SESN1: variants seen among roughly 807,000 people sequenced by gnomAD.
SESN1 encodes the protein sestrin-1.
A neutral mutation model predicts 59.3 loss-of-function variants in SESN1; 30 were observed. The observed-to-expected ratio is 0.51, with a 90% confidence interval of 0.38 to 0.69. The LOEUF (loss-of-function observed/expected upper bound fraction) is 0.69, where lower values mean the gene tolerates loss of function less well. Ranked by LOEUF, SESN1 falls within the 30% of genes least tolerant of loss-of-function variation. The pLI is 0.00. For missense variants in SESN1, 566 were observed against 673.0 expected, an observed-to-expected ratio of 0.84 and a Z score of 1.76; for synonymous variants, 197 against 219.9, an observed-to-expected ratio of 0.90 and a Z score of 0.92.
chr6:109,059,130 A>G (rs1780688785), intron 1 of SESN1, among the ~76,000 whole-genome samples: 1 of 150,888 alleles, frequency 6.6e-6, no homozygotes, highest in African/African-American at 2.5e-5. Context: ...ATTTACAGAT[A>G]ACTTCTTAAC....
rs897870052 is a variant in SESN1 at position 108,998,503 on chromosome 6, T to C, written c.972+10A>G. On this transcript the variant is annotated intron_variant, in intron 5 of 9. Transcript: ENST00000436639. ...AGTTTTATGACAATCTCATGACAAATAATACTTACAGAAACATTTTCTGCT... is the reference window on the plus strand; with the variant it reads ...AGTTTTATGACAATCTCATGACAAACAATACTTACAGAAACATTTTCTGCT... 2.5e-6 allele frequency: 4 copies of C among 1,613,328 alleles called. No homozygotes were observed. The highest frequency in any genetic ancestry group is 1.7e-5 in the Admixed American group (1 of 60,006).
intron 1 of SESN1, among the ~76,000 whole-genome samples, chr6:109,046,219 G>T (rs1002123879): frequency 6.7e-6 from 1 of 148,164 alleles, no homozygotes; most frequent in African/African-American, 2.5e-5. Context: ...TCAGCCTGCC[G>T]AGTGCCTGCG....
At chr6:109,089,603 T>C (rs1469358050) in intron 1 of SESN1, among the ~76,000 whole-genome samples, 3 of 152,180 alleles carry the variant, frequency 2.0e-5, no homozygotes, top group Non-Finnish European at 4.4e-5. Flanking sequence ...AAACTCAACA[T>C]GTCTAAAACA....
intron 1 of SESN1, among the ~76,000 whole-genome samples, chr6:109,031,660 GC>G (rs1278005182): frequency 1.3e-4 from 20 of 152,302 alleles, no homozygotes; most frequent in African/African-American, 4.1e-4. Flanking sequence ...CAGTGAGCTA[GC>G]CAGTCTCCCT....
In SESN1 at chr6:109,091,730, T is replaced by C. The variant is rs116509142; in HGVS notation, c.279+2065A>G. Among the ~76,000 whole-genome samples the C allele has an allele frequency of 8.7e-3, 1,319 of 152,384 alleles. 24 individuals carry two copies. The highest frequency in any genetic ancestry group is 0.03 in the African/African-American group (1,251 of 41,584). On this transcript the variant is annotated intron_variant, in intron 1 of 9. Coordinates refer to ENST00000436639, the MANE Select transcript of SESN1 (RefSeq NM_014454.3). ...CTTTATGGTCTGTTTCCCTTTGGTA[T>C]GATGTCAAAATTGTTACCACTGGTC...
At chr6:109,055,470 G>A (rs776939211) in intron 1 of SESN1, among the ~76,000 whole-genome samples, 45 of 151,848 alleles carry the variant, frequency 3.0e-4, no homozygotes, top group South Asian at 1.5e-3. Context: ...AGATCAGCCC[G>A]GCCAAGATGG....
intron 1 of SESN1, among the ~76,000 whole-genome samples, chr6:109,086,337 G>A (rs1043982240): frequency 5.3e-5 from 8 of 152,166 alleles, no homozygotes; most frequent in Non-Finnish European, 1.0e-4. Context: ...GGGCAACAGA[G>A]TGAGACTCCA....
rs1391221218 is a variant in SESN1, at chr6:108,984,741, T to G, written c.*2803A>C. On this transcript the variant is annotated 3_prime_UTR_variant, in exon 10 of 10. Transcript: ENST00000436639. ...AGTGTATAGAAATACAACTGATTTTTGTGTGCTGACTTTGTATCCTACAAC... is the reference window on the plus strand; with the variant it reads ...AGTGTATAGAAATACAACTGATTTTGGTGTGCTGACTTTGTATCCTACAAC... Among the ~76,000 whole-genome samples, 3 of 152,250 alleles carry G rather than the reference T, an allele frequency of 2.0e-5. No homozygotes were observed. The highest frequency in any genetic ancestry group is 7.2e-5 in the African/African-American group (3 of 41,464).
chr6:108,989,028 A>G (rs916886340), intron 8 of SESN1, among the ~76,000 whole-genome samples: 11 of 152,174 alleles, frequency 7.2e-5, no homozygotes, highest in African/African-American at 2.7e-4. Context: ...ATTGAGACGG[A>G]GTCTTGCCCT....
At chr6:109,007,716 G>A (rs889843652) in intron 1 of SESN1, among the ~76,000 whole-genome samples, 1 of 147,894 alleles carries the variant, frequency 6.8e-6, no homozygotes, top group Non-Finnish European at 1.5e-5. Context: ...ATAGCAAAAT[G>A]TACTAACAAT....
intron 1 of SESN1, among the ~76,000 whole-genome samples, chr6:109,067,701 A>G (rs1780858741): frequency 6.6e-6 from 1 of 152,190 alleles, no homozygotes; most frequent in Non-Finnish European, 1.5e-5. Flanking sequence ...CTGCTGCCTT[A>G]TCCTACCAGA....
Position 109,093,727 on chromosome 6 carries a change from C to G in SESN1, c.279+68G>C, listed in dbSNP as rs1302503171. 2.7e-6 allele frequency: 4 copies of G among 1,464,102 alleles called. No individual in the cohort carries two copies. In the South Asian group the frequency reaches 3.9e-5, roughly 14 times the overall value. 90.7% of individuals were successfully genotyped at this position (1,464,102 alleles called of 1,614,324 possible). A position where few individuals can be genotyped will look rare whatever the true frequency, so the allele number is the denominator to read the frequency against. ...AACAACCTAATAGAAACAAACACAA[C>G]GTGAATAACGGCAAGTAAAATTTAA... On this transcript the variant is annotated intron_variant, in intron 1 of 9. Coordinates refer to ENST00000436639, the MANE Select transcript of SESN1 (RefSeq NM_014454.3).
At chr6:108,991,942 C>G (rs1271501840) in intron 7 of SESN1, among the ~76,000 whole-genome samples, 1 of 152,172 alleles carries the variant, frequency 6.6e-6, no homozygotes, top group Non-Finnish European at 1.5e-5. Flanking sequence ...TAATTATTGT[C>G]TAGTCTCCTC....
intron 1 of SESN1, among the ~76,000 whole-genome samples, chr6:109,028,081 T>C (rs1019917845): frequency 6.6e-6 from 1 of 152,206 alleles, no homozygotes; most frequent in African/African-American, 2.4e-5. Flanking sequence ...TTTGTCAATA[T>C]TTTCTTTAAT....
At chr6:109,005,896 G>A (rs906924642) in intron 1 of SESN1, among the ~76,000 whole-genome samples, 1 of 152,128 alleles carries the variant, frequency 6.6e-6, no homozygotes, top group African/African-American at 2.4e-5. Context: ...AACAGATTTG[G>A]CTGTCTAATT....
At chr6:109,002,112 A>G (rs1036281030) in intron 2 of SESN1, among the ~76,000 whole-genome samples, 166 bp downstream of exon 2, 1 of 152,212 alleles carries the variant, frequency 6.6e-6, no homozygotes, top group African/African-American at 2.4e-5. Flanking sequence ...ACACAAGTAC[A>G]ACAGCTTTTT....
intron 2 of SESN1, 95 bp downstream of exon 2, chr6:109,002,183 T>C (rs1779640078): frequency 2.8e-6 from 3 of 1,070,638 alleles, no homozygotes; most frequent in Non-Finnish European, 4.3e-6. Flanking sequence ...TAAAACATGT[T>C]GTTGACCAAC....
chr6:109,042,628 A>C (rs1048549804), intron 1 of SESN1, among the ~76,000 whole-genome samples: 1 of 151,940 alleles, frequency 6.6e-6, no homozygotes, highest in Non-Finnish European at 1.5e-5. Context: ...AAAATGGGTC[A>C]ATTCCCACCA....
chr6:109,042,450 A>C (rs1780357468), intron 1 of SESN1, among the ~76,000 whole-genome samples: 1 of 151,162 alleles, frequency 6.6e-6, no homozygotes, highest in Non-Finnish European at 1.5e-5. Flanking sequence ...AAATTGAAAA[A>C]CCTCTAGCAA....
Sources: allele counts gnomAD v4.1 joint callset (sites outside exome capture counted in the v4.1 genomes callset), GRCh38; gene constraint gnomAD v4.1.1; transcripts MANE v1.5; gene names NCBI Gene and HGNC (gene_info 2026-07-23, HGNC 2026-07-21).